The following TMEM178B variants were observed in gnomAD, a reference collection of about 807,000 sequenced individuals.
TMEM178B encodes transmembrane protein 178B.
TMEM178B carries 5 observed loss-of-function variants against 31.0 expected under a neutral mutation model. The observed-to-expected ratio is 0.16, with a 90% CI of 0.08 to 0.34. The LOEUF is 0.34. Among genes scored for constraint, TMEM178B ranks in the 10% least tolerant of loss-of-function variants. TMEM178B has a pLI of 1.00. For missense variants in TMEM178B, 275 were observed against 400.3 expected, an observed-to-expected ratio of 0.69 and a Z score of 2.67; for synonymous variants, 164 against 164.0, an observed-to-expected ratio of 1.00 and a Z score of 0.00.
intron 1 of TMEM178B, among the ~76,000 whole-genome samples, chr7:141,206,903 A>C (rs910526467): frequency 9.2e-5 from 14 of 152,186 alleles, no homozygotes; most frequent in Non-Finnish European, 1.9e-4. Context: ...ATCTTGCACA[A>C]CTGAAATTTG....
intron 2 of TMEM178B, among the ~76,000 whole-genome samples, chr7:141,326,861 G>A (rs6953465): frequency 0.32 from 49,412 of 152,054 alleles, 8,299 homozygotes; most frequent in African/African-American, 0.4. Context: ...TGTGTTGTCC[G>A]ATATGGTAGC....
At chr7:141,408,173 C>A (rs1800918465) in intron 2 of TMEM178B, among the ~76,000 whole-genome samples, 1 of 151,404 alleles carries the variant, frequency 6.6e-6, no homozygotes, top group Non-Finnish European at 1.5e-5. Context: ...TCAGCAGCAC[C>A]AGGGCTAGAA....
At chr7:141,130,989 C>G (rs1466335734) in intron 1 of TMEM178B, among the ~76,000 whole-genome samples, 1 of 152,218 alleles carries the variant, frequency 6.6e-6, no homozygotes, top group African/African-American at 2.4e-5. Flanking sequence ...CCATTTCATT[C>G]CCCATTAGAA....
intron 3 of TMEM178B, among the ~76,000 whole-genome samples, chr7:141,467,377 C>T (rs1802163857): frequency 6.6e-6 from 1 of 152,168 alleles, no homozygotes; most frequent in Non-Finnish European, 1.5e-5. Flanking sequence ...CACACATGCA[C>T]AAATACAAAT....
intron 2 of TMEM178B, among the ~76,000 whole-genome samples, chr7:141,351,215 T>C (rs740167): frequency 0.17 from 26,384 of 152,246 alleles, 2,439 homozygotes; most frequent in Admixed American, 0.23. Context: ...CCCCAAACTC[T>C]CGTGACATAA....
At chr7:141,226,810 G>C (rs898262006) in intron 2 of TMEM178B, among the ~76,000 whole-genome samples, 13 of 141,068 alleles carry the variant, frequency 9.2e-5, no homozygotes, top group African/African-American at 3.5e-4. Flanking sequence ...GTGAACTGAA[G>C]TTGCACCACT....
At chr7:141,449,355 GC>G (rs1329014173) in intron 3 of TMEM178B, among the ~76,000 whole-genome samples, 1 of 152,078 alleles carries the variant, frequency 6.6e-6, no homozygotes, top group East Asian at 1.9e-4. Flanking sequence ...GAGGATGGGG[GC>G]ATTGATTGCA....
chr7:141,112,758 C>G (rs1339520112), intron 1 of TMEM178B, among the ~76,000 whole-genome samples: 1 of 152,064 alleles, frequency 6.6e-6, no homozygotes, highest in African/African-American at 2.4e-5. Flanking sequence ...TCTTTTTTAT[C>G]AGAGAGAGGA....
intron 1 of TMEM178B, among the ~76,000 whole-genome samples, chr7:141,203,893 G>T (rs1796919835): frequency 6.6e-6 from 1 of 152,196 alleles, no homozygotes; most frequent in Non-Finnish European, 1.5e-5. Flanking sequence ...CTCAGAAGTG[G>T]TCCAGTAGTG....
In TMEM178B at chr7:141,397,866, G is replaced by A. The variant is rs542913860; in HGVS notation, c.497-39742G>A. Among the ~76,000 whole-genome samples, 117 of 152,308 alleles carry A rather than the reference G, an allele frequency of 7.7e-4. 1 individual carries two copies. The highest frequency in any genetic ancestry group is 4.1e-3 in the South Asian group (20 of 4,828). ...GGAAGTTCTGCCCCCACTGTCCCCA[G>A]CAGCCCAGAGCCTGGCTGCAGTAGT... On this transcript the variant is annotated intron_variant, in intron 2 of 3. Coordinates refer to ENST00000565468, the MANE Select transcript of TMEM178B (RefSeq NM_001195278.2).
intron 1 of TMEM178B, among the ~76,000 whole-genome samples, chr7:141,183,128 T>C (rs889931105): frequency 1.3e-5 from 2 of 152,204 alleles, no homozygotes; most frequent in Non-Finnish European, 2.9e-5. Context: ...ATAAAAACAA[T>C]GTTGGCTATA....
intron 2 of TMEM178B, among the ~76,000 whole-genome samples, chr7:141,401,048 T>C (rs1411554599): frequency 6.6e-6 from 1 of 152,202 alleles, no homozygotes; most frequent in East Asian, 1.9e-4. Flanking sequence ...TCATTAAAGG[T>C]CCAAGTCTCC....
At chr7:141,462,195 A>G (rs1802070529) in intron 3 of TMEM178B, among the ~76,000 whole-genome samples, 1 of 152,172 alleles carries the variant, frequency 6.6e-6, no homozygotes, top group South Asian at 2.1e-4. Context: ...TGAAAGTCCC[A>G]TGTTCCAGGC....
intron 2 of TMEM178B, among the ~76,000 whole-genome samples, chr7:141,355,613 C>T (rs190124647): frequency 2.0e-5 from 3 of 152,280 alleles, no homozygotes; most frequent in South Asian, 2.1e-4. Flanking sequence ...CATTCAATGC[C>T]GATGCATTCA....
chr7:141,434,873 G>A (rs1484779793), intron 2 of TMEM178B, among the ~76,000 whole-genome samples: 4 of 152,118 alleles, frequency 2.6e-5, no homozygotes, highest in African/African-American at 9.7e-5. Context: ...TCTTTCTGTG[G>A]CCTGGCTTAT....
intron 3 of TMEM178B, among the ~76,000 whole-genome samples, chr7:141,458,351 A>C (rs1471162218): frequency 6.6e-6 from 1 of 152,140 alleles, no homozygotes; most frequent in African/African-American, 2.4e-5. Context: ...CAGACCCACC[A>C]ATGTCATCAT....
intron 1 of TMEM178B, among the ~76,000 whole-genome samples, chr7:141,148,352 C>T (rs1189382690): frequency 1.3e-5 from 2 of 152,302 alleles, no homozygotes; most frequent in Middle Eastern, 3.4e-3. Flanking sequence ...AGGATGTGAA[C>T]ATCTTTAGAG....
At chr7:141,303,843 T>TA (rs1798768293) in intron 2 of TMEM178B, among the ~76,000 whole-genome samples, 1 of 152,224 alleles carries the variant, frequency 6.6e-6, no homozygotes, top group East Asian at 1.9e-4. Flanking sequence ...TGCTACTACT[T>TA]ACTATGGTCA....
the TMEM178B span, among the ~76,000 whole-genome samples, chr7:141,510,822 G>A: frequency 2.0e-5 from 3 of 151,836 alleles, no homozygotes; most frequent in Non-Finnish European, 4.4e-5. Flanking sequence ...TAGAAGCAGG[G>A]ACGACACCAA....
Sources: gnomAD v4.1 joint callset for allele counts (sites outside exome capture counted in the v4.1 genomes callset) on GRCh38, gnomAD v4.1.1 for gene constraint, MANE v1.5 for transcripts, NCBI Gene and HGNC (gene_info 2026-07-23, HGNC 2026-07-21) for gene names.